Variants in MACC1 observed in about 807,000 individuals in gnomAD.
MACC1 encodes the protein metastasis-associated in colon cancer protein 1.
MACC1 carries 79 observed loss-of-function variants against 70.7 expected under a neutral mutation model. The observed-to-expected ratio is 1.12, with a 90% CI of 0.93 to 1.35. The LOEUF is 1.35. Among genes scored for constraint, MACC1 ranks in the 40% most tolerant of loss-of-function variants. The pLI is 0.00. For synonymous variants in MACC1, 361 were observed against 347.2 expected (o/e 1.04, Z -0.44); for missense variants, 1,106 against 978.1 (o/e 1.13, Z -1.74).
chr7:20,185,123 G>C (rs1782566639), intron 1 of MACC1: 1 of 152,100 alleles, frequency 6.6e-6, no homozygotes, highest in Non-Finnish European at 1.5e-5. Context: ...CTCTCTAAGA[G>C]GTAGAAAAAC....
intron 2 of MACC1, among the ~76,000 whole-genome samples, chr7:20,168,528 G>A (rs1350217952): frequency 6.6e-6 from 1 of 152,208 alleles, no homozygotes; most frequent in Non-Finnish European, 1.5e-5. Context: ...CTGGAATAAA[G>A]AGGGGTGAAG....
At position 20,151,245 on chromosome 7, in the gene MACC1, A is replaced by G. The variant is rs531900582; in HGVS notation, c.2346+2948T>C. Among the ~76,000 whole-genome samples the G allele has an allele frequency of 2.0e-5, 3 of 152,302 alleles. No homozygotes were observed. In the South Asian group the frequency reaches 6.2e-4, roughly 32 times the overall value. ...AAGTGAAGAGCACCCAATTTAGGCC[A>G]GTGAATTTCTTATCTCTGAATCCCC... is the stretch of plus-strand genomic sequence containing the variant. On this transcript the variant is annotated intron_variant, in intron 6 of 6. Transcript: ENST00000400331.
At chr7:20,172,508 C>G (rs1438847618) in intron 1 of MACC1, among the ~76,000 whole-genome samples, 1 of 151,524 alleles carries the variant, frequency 6.6e-6, no homozygotes, top group South Asian at 2.1e-4. Flanking sequence ...CACATATATA[C>G]ACACATATAT....
At chr7:20,199,465 A>G (rs925492930) in intron 1 of MACC1, among the ~76,000 whole-genome samples, 1 of 152,240 alleles carries the variant, frequency 6.6e-6, no homozygotes, top group Non-Finnish European at 1.5e-5. Flanking sequence ...GCAGCGAAGC[A>G]CTCAGCTTGC....
chr7:20,188,300 G>A (rs1222814982), intron 1 of MACC1, among the ~76,000 whole-genome samples: 4 of 152,074 alleles, frequency 2.6e-5, no homozygotes, highest in Non-Finnish European at 5.9e-5. Flanking sequence ...TCCTGTATTT[G>A]AACCCCTTTG....
At position 20,158,529 on chromosome 7, in the gene MACC1, C is replaced by T; in HGVS notation, c.1832G>A (p.Cys611Tyr). 1.2e-6 allele frequency: 2 copies of T among 1,614,106 alleles called. No homozygotes were observed. Among genetic ancestry groups the T allele is most frequent in the Non-Finnish European group, 1.7e-6 (2 of 1,180,002 alleles). Residue 611 changes from cysteine to tyrosine, a missense_variant, in exon 5 of 7, where the codon TGC (cysteine) becomes TAC (tyrosine). By Grantham distance (194) the Cys-to-Tyr change is radical (BLOSUM62 -2). Transcript: ENST00000400331. ...VLRGKIGLVHCKNVKVISKEQ... is the reference protein window; with the variant it reads ...VLRGKIGLVHYKNVKVISKEQ... ...CTTTGAAATCACCTTGACATTTTTG[C>T]AGTGTACAAGTCCAATCTTACCTCT...
intron 1 of MACC1, among the ~76,000 whole-genome samples, chr7:20,179,402 G>A (rs550255552): frequency 3.3e-5 from 5 of 152,322 alleles, no homozygotes; most frequent in African/African-American, 1.2e-4. Flanking sequence ...CCAAGGTCAT[G>A]TTAATTAGAA....
At chr7:20,213,351 G>T (rs1029365101) in intron 1 of MACC1, among the ~76,000 whole-genome samples, 1 of 152,222 alleles carries the variant, frequency 6.6e-6, no homozygotes, top group Non-Finnish European at 1.5e-5. Context: ...TTCAGCCATT[G>T]TGGAAGACAG....
chr7:20,170,065 C>T (rs1782280558), intron 2 of MACC1, among the ~76,000 whole-genome samples: 1 of 152,140 alleles, frequency 6.6e-6, no homozygotes, highest in Non-Finnish European at 1.5e-5. Flanking sequence ...TTTACCAGTG[C>T]CATGATTCCT....
intron 1 of MACC1, among the ~76,000 whole-genome samples, chr7:20,209,372 G>T (rs1320018587): frequency 6.6e-6 from 1 of 152,254 alleles, no homozygotes. Context: ...GGCCATAGGA[G>T]CCCACCTCTT....
In MACC1 at chr7:20,141,096, GT is replaced by G. The variant is rs1226868474; in HGVS notation, c.2408del (p.Tyr803SerfsTer15). The part of the protein sequence containing the change: ...YTWSAHYGNN[Y>X]RDVLQDLQSA... ...ACTGAAGGTCTTGTAACACATCTCTGTAGTTATTTCCATAGTGAGCACTCCA... is the reference window on the plus strand; with the variant it reads ...ACTGAAGGTCTTGTAACACATCTCTGAGTTATTTCCATAGTGAGCACTCCA... On this transcript the variant is annotated frameshift_variant, in exon 7 of 7. Coordinates refer to ENST00000400331, the MANE Select transcript of MACC1 (RefSeq NM_182762.4). LOFTEE classifies it high-confidence loss of function. 10 of 1,613,060 alleles carry G rather than the reference GT, an allele frequency of 6.2e-6. No homozygotes were observed. Among genetic ancestry groups the G allele is most frequent in the African/African-American group, 1.3e-5 (1 of 74,890 alleles).
intron 1 of MACC1, among the ~76,000 whole-genome samples, chr7:20,171,242 A>T (rs1476647794): frequency 7.2e-6 from 1 of 138,030 alleles, no homozygotes; most frequent in Non-Finnish European, 1.5e-5. Context: ...AAACTGGAAG[A>T]TTATTTTATT....
chr7:20,159,616 CCT>C lies in MACC1; in HGVS notation c.743_744del (p.Glu248GlyfsTer8), dbSNP rs758608722. 1 of 1,614,144 alleles carries C rather than the reference CCT, an allele frequency of 6.2e-7. No individual in the cohort carries two copies. The highest frequency in any genetic ancestry group is 2.2e-5 in the East Asian group (1 of 44,874). ...GGATCAAGGAAAGCCCTTAGAGACA[CCT>C]CTTGGAATTCTCCCACAGCCACATG... ...QGHVAVGEFQ[E>X]VSLRAFLDPP... On this transcript the variant is annotated frameshift_variant, in exon 5 of 7. Coordinates refer to ENST00000400331, the MANE Select transcript of MACC1 (RefSeq NM_182762.4). LOFTEE classifies it high-confidence loss of function.
intron 3 of MACC1, among the ~76,000 whole-genome samples, chr7:20,163,689 T>C (rs1293100630): frequency 6.6e-6 from 1 of 152,182 alleles, no homozygotes; most frequent in South Asian, 2.1e-4. Flanking sequence ...CTTCATCCCA[T>C]GACAACATTG....
intron 1 of MACC1, among the ~76,000 whole-genome samples, chr7:20,186,967 T>C (rs539050097): frequency 1.3e-5 from 2 of 152,178 alleles, no homozygotes; most frequent in Admixed American, 1.3e-4. Flanking sequence ...ATTACTATCA[T>C]GTTTTATAAA....
At chr7:20,195,249 C>G (rs1782731704) in intron 1 of MACC1, among the ~76,000 whole-genome samples, 1 of 152,130 alleles carries the variant, frequency 6.6e-6, no homozygotes, top group Non-Finnish European at 1.5e-5. Flanking sequence ...CCCGCCGTAC[C>G]TTGCTATTAT....
Position 20,154,245 on chromosome 7 carries a change from A to G in MACC1, c.2294T>C (p.Met765Thr). The G allele has an allele frequency of 1.9e-6, 3 of 1,614,028 alleles. No homozygotes were observed. The highest frequency in any genetic ancestry group is 8.5e-7 in the Non-Finnish European group (1 of 1,179,930). Residue 765 changes from methionine to threonine, a missense_variant, in exon 6 of 7, where the codon ATG becomes ACG. Physicochemically the swap from Met to Thr is moderately conservative, Grantham distance 81 (BLOSUM62 -1). Transcript: ENST00000400331. ...TCGATGAGGAATTTCATATGCCTCC[A>G]TTTGTTGCTTTGTGAGTCGTACTAA... The part of the protein sequence containing the change: ...EKLVRLTKQQ[M>T]EAYEIPHRGN...
chr7:20,204,642 A>G (rs1005836789), intron 1 of MACC1, among the ~76,000 whole-genome samples: 1 of 152,228 alleles, frequency 6.6e-6, no homozygotes, highest in East Asian at 1.9e-4. Context: ...TGATCGAAAA[A>G]GTGAGTTTAT....
chr7:20,198,802 A>G (rs1782790506), intron 1 of MACC1: 1 of 152,244 alleles, frequency 6.6e-6, no homozygotes, highest in Non-Finnish European at 1.5e-5. Flanking sequence ...ATTCCTTCAA[A>G]TCAGAGACAG....
Sources: gnomAD v4.1 joint callset for allele counts (sites outside exome capture counted in the v4.1 genomes callset) on GRCh38, gnomAD v4.1.1 for gene constraint, MANE v1.5 for transcripts, NCBI Gene and HGNC (gene_info 2026-07-23, HGNC 2026-07-21) for gene names.